Variants in ITPKB observed in about 807,000 individuals in gnomAD.
The protein encoded by ITPKB is inositol-trisphosphate 3-kinase B.
Under a neutral mutation model 69.4 loss-of-function variants are expected in ITPKB, and 13 were observed. The observed-to-expected ratio is 0.19, with a 90% CI of 0.12 to 0.30. The LOEUF is 0.30. Among genes scored for constraint, ITPKB ranks in the 10% least tolerant of loss-of-function variants. ITPKB has a pLI of 1.00. For synonymous variants in ITPKB, 584 were observed against 513.7 expected, an observed-to-expected ratio of 1.14 and a Z score of -1.85; for missense variants, 1,240 against 1,250.5, an observed-to-expected ratio of 0.99 and a Z score of 0.13.
intron 2 of ITPKB, among the ~76,000 whole-genome samples, chr1:226,667,095 T>G (rs1669517254): frequency 6.6e-6 from 1 of 152,190 alleles, no homozygotes; most frequent in African/African-American, 2.4e-5. Flanking sequence ...TTTGCACTTT[T>G]TGCCCAATGC....
At chr1:226,660,640 C>T (rs1337702763) in intron 2 of ITPKB, among the ~76,000 whole-genome samples, 1 of 151,580 alleles carries the variant, frequency 6.6e-6, no homozygotes, top group Non-Finnish European at 1.5e-5. Flanking sequence ...GAACAGAGGC[C>T]TCGCAGAGCT....
intron 2 of ITPKB, among the ~76,000 whole-genome samples, chr1:226,677,147 C>T (rs565761121): frequency 6.6e-6 from 1 of 152,312 alleles, no homozygotes; most frequent in South Asian, 2.1e-4. Flanking sequence ...GAGGGTGTTA[C>T]CCCCAGGGAC....
At chr1:226,649,863 A>C (rs527494883) in intron 2 of ITPKB, among the ~76,000 whole-genome samples, 108 of 150,528 alleles carry the variant, frequency 7.2e-4, no homozygotes, top group East Asian at 2.3e-3. Context: ...CAAAAAAAAA[A>C]CATATTTTTA....
intron 2 of ITPKB, among the ~76,000 whole-genome samples, chr1:226,712,908 G>A (rs1300461463): frequency 2.0e-5 from 3 of 152,076 alleles, no homozygotes; most frequent in South Asian, 2.1e-4. Context: ...GGTCAGTAAC[G>A]CTCACGCAGC....
intron 2 of ITPKB, among the ~76,000 whole-genome samples, chr1:226,715,260 TG>T (rs1275518205): frequency 6.6e-6 from 1 of 152,258 alleles, no homozygotes; most frequent in Non-Finnish European, 1.5e-5. Context: ...GTGAACTCCA[TG>T]GGTAAAGCGT....
At chr1:226,659,345 C>A (rs1669357588) in intron 2 of ITPKB, among the ~76,000 whole-genome samples, 1 of 152,112 alleles carries the variant, frequency 6.6e-6, no homozygotes, top group South Asian at 2.1e-4. Context: ...CCAAGGCTCC[C>A]TGACCACCCA....
Position 226,632,667 on chromosome 1 carries a change from C to T in ITPKB, c.*2004G>A, listed in dbSNP as rs538967038. On this transcript the variant is annotated 3_prime_UTR_variant, in exon 8 of 8. Transcript: ENST00000429204. ...CCTCCTTTAATAAGCACATCATTTG[C>T]ATATTAGCACATTGTTTGCAAACAG... is the stretch of plus-strand genomic sequence containing the variant. 2.6e-5 allele frequency: 4 copies of T among 152,766 alleles called. No individual in the cohort carries two copies. In the South Asian group the frequency reaches 8.3e-4, roughly 32 times the overall value. The allele number at this position is 152,766 out of a possible 1,614,324, so 9.5% of individuals were successfully genotyped here. A position where few individuals can be genotyped will look rare whatever the true frequency, so the allele number is the denominator to read the frequency against.
At chr1:226,714,311 GAGA>G (rs1657043733) in intron 2 of ITPKB, among the ~76,000 whole-genome samples, 1 of 152,214 alleles carries the variant, frequency 6.6e-6, no homozygotes, top group Non-Finnish European at 1.5e-5. Flanking sequence ...CCAGCACCAT[GAGA>G]CCACAGCTGA....
Position 226,737,195 on chromosome 1 carries a change from ACTGCCG to A in ITPKB, c.258_263del (p.Gly91_Ser92del). On this transcript the variant is annotated inframe_deletion, in exon 2 of 8. Coordinates refer to ENST00000429204, the MANE Select transcript of ITPKB (RefSeq NM_002221.4). Reference sequence around the variant, plus strand: ...CGCTACTGCCGCTGCTGCCGCTGCCACTGCCGCTGCTACTATTCAGCCTGCGCCGGC... The same window carrying A: ...CGCTACTGCCGCTGCTGCCGCTGCCACTGCTACTATTCAGCCTGCGCCGGC... 6.3e-7 allele frequency: 1 copy of A among 1,586,528 alleles called. No individual in the cohort carries two copies.
intron 2 of ITPKB, chr1:226,669,053 C>T (rs544855523): frequency 7.9e-5 from 12 of 152,272 alleles, no homozygotes; most frequent in African/African-American, 2.9e-4. Context: ...CCATTATCAT[C>T]ATCATTATTA....
At position 226,645,627 on chromosome 1, in the gene ITPKB, TG is replaced by T. The variant is rs201942214; in HGVS notation, c.2246+1539del. Among the ~76,000 whole-genome samples the T allele has an allele frequency of 2.3e-3, 355 of 152,298 alleles. 9 individuals carry two copies. The highest frequency in any genetic ancestry group is 0.019 in the Admixed American group (283 of 15,296). ...CATGTGGTCACCTGCGAAGTCCTGC[TG>T]CTGTCTGGGTTGGAAGGAAGGGCTG... On this transcript the variant is annotated intron_variant, in intron 4 of 7. Coordinates refer to ENST00000429204, the MANE Select transcript of ITPKB (RefSeq NM_002221.4).
In ITPKB at chr1:226,737,667, T is replaced by C; in HGVS notation, c.-205-4A>G. 9.7e-7 allele frequency: 1 copy of C among 1,029,212 alleles called. No homozygotes were observed. Among genetic ancestry groups the C allele is most frequent in the South Asian group, 4.7e-5 (1 of 21,098 alleles). The allele number at this position is 1,029,212 out of a possible 1,614,324, so 63.8% of individuals were successfully genotyped here. A position where few individuals can be genotyped will look rare whatever the true frequency, so the allele number is the denominator to read the frequency against. ...AGCTCCATAAACAACCGTGCGGCTG[T>C]GGAGATACAAGGAGAAAAGTCAGGA... On this transcript the variant is annotated splice_polypyrimidine_tract_variant and splice_region_variant and intron_variant, in intron 1 of 7. Coordinates refer to ENST00000429204, the MANE Select transcript of ITPKB (RefSeq NM_002221.4).
chr1:226,688,789 T>TAG (rs1656277397), intron 2 of ITPKB, among the ~76,000 whole-genome samples: 1 of 152,066 alleles, frequency 6.6e-6, no homozygotes. Context: ...GACGCTGGTA[T>TAG]GACTCTCACT....
intron 2 of ITPKB, among the ~76,000 whole-genome samples, chr1:226,713,873 T>A (rs1657033620): frequency 6.6e-6 from 1 of 152,158 alleles, no homozygotes; most frequent in Non-Finnish European, 1.5e-5. Context: ...TTCAATCAGT[T>A]CTATCACTCC....
chr1:226,724,784 T>G (rs1657357318), intron 2 of ITPKB, among the ~76,000 whole-genome samples: 1 of 152,194 alleles, frequency 6.6e-6, no homozygotes, highest in Non-Finnish European at 1.5e-5. Flanking sequence ...TTCTGGTCAA[T>G]CGGGGTCCTC....
chr1:226,667,492 C>T (rs978519267), intron 2 of ITPKB, among the ~76,000 whole-genome samples: 4 of 152,194 alleles, frequency 2.6e-5, no homozygotes, highest in Admixed American at 1.3e-4. Context: ...CCAGAGGCAG[C>T]AGCATCCAGA....
At chr1:226,735,247 C>T (rs986264923) in intron 2 of ITPKB, among the ~76,000 whole-genome samples, 3 of 152,152 alleles carry the variant, frequency 2.0e-5, no homozygotes, top group South Asian at 4.1e-4. Context: ...TCCCAAGAAG[C>T]GTGGTGACCT....
rs755584774 is a variant in ITPKB at position 226,634,902 on chromosome 1, G to C, written c.2626-16C>G. The C allele has an allele frequency of 1.9e-6, 3 of 1,597,504 alleles. No individual in the cohort carries two copies. The highest frequency in any genetic ancestry group is 3.4e-5 in the Admixed American group (2 of 59,258). Reference sequence around the variant, plus strand: ...TGCCAATGACCTGAGGAGAACATGGGGGTGAAGGGTGAGCTGAAGCCCGGG... The same window carrying C: ...TGCCAATGACCTGAGGAGAACATGGCGGTGAAGGGTGAGCTGAAGCCCGGG... On this transcript the variant is annotated splice_polypyrimidine_tract_variant and intron_variant, in intron 7 of 7. Coordinates refer to ENST00000429204, the MANE Select transcript of ITPKB (RefSeq NM_002221.4). The surrounding 1 kb of genome is among the most constrained non-coding windows in gnomAD (Gnocchi z 6.3).
chr1:226,734,238 G>A (rs1657679495), intron 2 of ITPKB, among the ~76,000 whole-genome samples: 2 of 152,190 alleles, frequency 1.3e-5, no homozygotes. Flanking sequence ...GGCTGATTGG[G>A]GCGATTTTGC....
Sources: allele counts gnomAD v4.1 joint callset (sites outside exome capture counted in the v4.1 genomes callset), GRCh38; gene constraint gnomAD v4.1.1; non-coding constraint Gnocchi (gnomAD v3.1); transcripts MANE v1.5; gene names NCBI Gene and HGNC (gene_info 2026-07-23, HGNC 2026-07-21).